Variants in SDCCAG8 observed in about 807,000 individuals in gnomAD.
SDCCAG8 encodes the protein SHH signaling and ciliogenesis regulator SDCCAG8, also known as serologically defined colon cancer antigen 8.
Under a neutral mutation model 101.8 loss-of-function variants are expected in SDCCAG8, and 74 were observed. That is an observed-to-expected ratio of 0.73 (90% CI 0.60 to 0.88). The LOEUF (loss-of-function observed/expected upper bound fraction) is 0.88, where lower values mean the gene tolerates loss of function less well. SDCCAG8 is among the 40% of genes least tolerant of loss of function. The probability of loss-of-function intolerance (pLI) is 0.00; values close to 1 mark genes in which losing one functional copy is unlikely to be tolerated. For synonymous variants in SDCCAG8, 281 were observed against 292.9 expected (o/e 0.96, Z 0.41); for missense variants, 787 against 822.6 (o/e 0.96, Z 0.53).
Position 243,487,267 on chromosome 1 carries a change from G to C in SDCCAG8, c.1986-1747G>C, listed in dbSNP as rs143704750. Among the ~76,000 whole-genome samples, 6 of 151,620 alleles carry C rather than the reference G, an allele frequency of 4.0e-5. 1 individual carries two copies. Among genetic ancestry groups the C allele is most frequent in the South Asian group, 2.1e-4 (1 of 4,804 alleles). On this transcript the variant is annotated intron_variant, in intron 16 of 17. Transcript: ENST00000366541. Reference sequence around the variant, plus strand: ...CCGCTCACTGTTCAGGACAGCCCGGGCCCCCCCCTGGGGCCTTGCAGGAGA... The same window carrying C: ...CCGCTCACTGTTCAGGACAGCCCGGCCCCCCCCCTGGGGCCTTGCAGGAGA...
intron 13 of SDCCAG8, among the ~76,000 whole-genome samples, chr1:243,391,900 G>A (rs965021129): frequency 6.6e-6 from 1 of 152,158 alleles, no homozygotes; most frequent in Non-Finnish European, 1.5e-5. Flanking sequence ...GCAGTGTTCC[G>A]GATTTGCCCT....
chr1:243,370,045 G>A (rs2077200817), intron 12 of SDCCAG8, among the ~76,000 whole-genome samples: 1 of 151,976 alleles, frequency 6.6e-6, no homozygotes, highest in East Asian at 1.9e-4. Context: ...CTTTTGCAAT[G>A]CATCGTTTGA....
At chr1:243,324,870 T>C (rs1341603725) in intron 9 of SDCCAG8, among the ~76,000 whole-genome samples, 1 of 152,220 alleles carries the variant, frequency 6.6e-6, no homozygotes, top group African/African-American at 2.4e-5. Context: ...ACCTTCACTG[T>C]TTCCAGAACA....
intron 16 of SDCCAG8, among the ~76,000 whole-genome samples, chr1:243,451,137 T>A (rs970978765): frequency 3.3e-5 from 5 of 152,240 alleles, no homozygotes; most frequent in Admixed American, 3.3e-4. Context: ...ACTGCAAATG[T>A]CACATCTTCT....
chr1:243,286,906 C>T (rs184519868), intron 5 of SDCCAG8, among the ~76,000 whole-genome samples: 137 of 152,282 alleles, frequency 9.0e-4, no homozygotes, highest in Admixed American at 2.0e-3. Flanking sequence ...AGCTTAATCA[C>T]GTATGTCCTT....
intron 12 of SDCCAG8, among the ~76,000 whole-genome samples, chr1:243,361,905 G>A (rs1360316878): frequency 3.3e-5 from 5 of 152,202 alleles, no homozygotes; most frequent in Non-Finnish European, 4.4e-5. Flanking sequence ...GTTGTTTGAG[G>A]ACAGAGACTT....
At position 243,304,696 on chromosome 1, in the gene SDCCAG8, A is replaced by AT. The variant is rs753851659; in HGVS notation, c.676-12dup. The AT allele has an allele frequency of 3.0e-5, 41 of 1,384,236 alleles. No homozygotes were observed. The highest frequency in any genetic ancestry group is 4.2e-5 in the Non-Finnish European group (41 of 971,964). 85.7% of individuals were successfully genotyped at this position (1,384,236 alleles called of 1,614,324 possible). A position where few individuals can be genotyped will look rare whatever the true frequency, so the allele number is the denominator to read the frequency against. On this transcript the variant is annotated splice_polypyrimidine_tract_variant and intron_variant, in intron 6 of 17. Transcript: ENST00000366541. ...AGGACATAGAGAAAAATGTACTTCT[A>AT]TTTTTCTTTTCTATAGGAGAAGCTA...
At chr1:243,481,660 G>A (rs1203379571) in intron 16 of SDCCAG8, among the ~76,000 whole-genome samples, 2 of 152,150 alleles carry the variant, frequency 1.3e-5, no homozygotes, top group Non-Finnish European at 2.9e-5. Flanking sequence ...GAAATAGTGA[G>A]TCTAAGCACT....
intron 16 of SDCCAG8, among the ~76,000 whole-genome samples, chr1:243,454,711 T>C (rs1384734503): frequency 1.3e-5 from 2 of 152,212 alleles, no homozygotes; most frequent in Non-Finnish European, 2.9e-5. Flanking sequence ...CTGAGATGTC[T>C]AAAGCCTGTG....
chr1:243,270,363 C>A (rs1345762340), intron 2 of SDCCAG8, 106 bp downstream of exon 2: 1 of 1,063,930 alleles, frequency 9.4e-7, no homozygotes, highest in African/African-American at 1.6e-5. Context: ...TGATGTTATT[C>A]CTCAAACACA....
intron 9 of SDCCAG8, among the ~76,000 whole-genome samples, chr1:243,326,435 A>G (rs991639196): frequency 4.6e-5 from 7 of 152,194 alleles, no homozygotes; most frequent in African/African-American, 1.7e-4. Flanking sequence ...TAAAAATAAA[A>G]TCAGAAAAGC....
intron 16 of SDCCAG8, among the ~76,000 whole-genome samples, chr1:243,447,309 T>C (rs969315841): frequency 1.3e-5 from 2 of 148,686 alleles, no homozygotes; most frequent in African/African-American, 5.0e-5. Flanking sequence ...ATTATGAATG[T>C]ATTAAGTCTC....
At chr1:243,315,046 T>G (rs1280456725) in intron 8 of SDCCAG8, among the ~76,000 whole-genome samples, 1 of 152,160 alleles carries the variant, frequency 6.6e-6, no homozygotes, top group Non-Finnish European at 1.5e-5. Flanking sequence ...ACTTTGGCTT[T>G]GGTGACTGCA....
chr1:243,304,658 A>T (rs2071896906), intron 6 of SDCCAG8, 55 bp from the exon 7 acceptor site: 5 of 924,824 alleles, frequency 5.4e-6, no homozygotes, highest in Non-Finnish European at 8.5e-6. Flanking sequence ...ATTAAAGTTT[A>T]CTTATAAAAT....
At chr1:243,447,566 G>A (rs1334123819) in intron 16 of SDCCAG8, among the ~76,000 whole-genome samples, 1 of 152,052 alleles carries the variant, frequency 6.6e-6, no homozygotes, top group Non-Finnish European at 1.5e-5. Context: ...TTGCTACACT[G>A]TGACTCAAAG....
In SDCCAG8 at chr1:243,260,906, A is replaced by G. The variant is rs937984250; in HGVS notation, c.67+4666A>G. On this transcript the variant is annotated intron_variant, in intron 1 of 17. Coordinates refer to ENST00000366541, the MANE Select transcript of SDCCAG8 (RefSeq NM_006642.5). The stretch of plus-strand genomic sequence containing the variant: ...GTGGAGCTGGGAGCCAGGTCACTGC[A>G]CTTACTTTTGCTTTGCTGACAACCA... Among the ~76,000 whole-genome samples the G allele has an allele frequency of 3.9e-5, 6 of 152,178 alleles. No individual in the cohort carries two copies. The East Asian group carries it at 1.2e-3, about 29-fold the overall frequency.
intron 12 of SDCCAG8, among the ~76,000 whole-genome samples, chr1:243,348,329 C>T (rs946958194): frequency 6.6e-6 from 1 of 151,684 alleles, no homozygotes; most frequent in African/African-American, 2.4e-5. Context: ...GGATTACAGG[C>T]ATGAGCCACC....
At chr1:243,364,953 G>T (rs1047731417) in intron 12 of SDCCAG8, among the ~76,000 whole-genome samples, 3 of 152,146 alleles carry the variant, frequency 2.0e-5, no homozygotes, top group African/African-American at 7.2e-5. Context: ...AAACGAAAAA[G>T]TTCTTGCTGA....
chr1:243,426,669 G>A (rs2081363559), intron 16 of SDCCAG8, 111 bp downstream of exon 16: 1 of 1,292,980 alleles, frequency 7.7e-7, no homozygotes, highest in South Asian at 1.2e-5. Flanking sequence ...TATGCTACTT[G>A]TGACATGCTC....
Sources: gnomAD v4.1 joint callset for allele counts (sites outside exome capture counted in the v4.1 genomes callset) on GRCh38, gnomAD v4.1.1 for gene constraint, MANE v1.5 for transcripts, NCBI Gene and HGNC (gene_info 2026-07-23, HGNC 2026-07-21) for gene names.